The following ATP10B variants were observed in gnomAD, a reference collection of about 807,000 sequenced individuals.
The protein encoded by ATP10B is phospholipid-transporting ATPase VB.
ATP10B carries 122 observed loss-of-function variants against 141.2 expected under a neutral mutation model. The observed-to-expected ratio is 0.86, with a 90% CI of 0.75 to 1.00. The LOEUF is 1.00. Among genes scored for constraint, ATP10B ranks in the 50% least tolerant of loss-of-function variants. ATP10B has a pLI of 0.00. For synonymous variants in ATP10B, 685 were observed against 692.0 expected (o/e 0.99, Z 0.16); for missense variants, 1,876 against 1,825.3 (o/e 1.03, Z -0.51).
At chr5:160,693,779 C>T (rs577704346) in intron 3 of ATP10B, among the ~76,000 whole-genome samples, 1 of 152,336 alleles carries the variant, frequency 6.6e-6, no homozygotes. Flanking sequence ...CCCTCGCATG[C>T]ACAATTCACA....
chr5:160,683,043 A>ATC (rs1561748490), intron 6 of ATP10B, among the ~76,000 whole-genome samples: 2 of 91,320 alleles, frequency 2.2e-5, no homozygotes, highest in African/African-American at 4.0e-5. Flanking sequence ...TGTCCCCCAA[A>ATC]AAAAAAAAAA....
chr5:160,708,315 C>A (rs1055359794), intron 3 of ATP10B, among the ~76,000 whole-genome samples: 1 of 152,018 alleles, frequency 6.6e-6, no homozygotes, highest in African/African-American at 2.4e-5. Flanking sequence ...TACACTCAAC[C>A]CCCGCCCCCT....
intron 7 of ATP10B, among the ~76,000 whole-genome samples, chr5:160,651,919 T>C (rs1339070996): frequency 2.6e-5 from 4 of 152,084 alleles, no homozygotes; most frequent in African/African-American, 9.7e-5. Flanking sequence ...GATTAAGTCA[T>C]GTGCTTCACT....
chr5:160,691,446 T>C (rs1764072153), intron 3 of ATP10B, among the ~76,000 whole-genome samples: 1 of 152,156 alleles, frequency 6.6e-6, no homozygotes, highest in African/African-American at 2.4e-5. Flanking sequence ...CAAGGTTCTT[T>C]TTGGCCAAAT....
chr5:160,827,306 C>CA (rs1774688750), intron 1 of ATP10B, among the ~76,000 whole-genome samples: 1 of 152,218 alleles, frequency 6.6e-6, no homozygotes, highest in Non-Finnish European at 1.5e-5. Flanking sequence ...CTTTTCTCTT[C>CA]AACCTTGCCT....
the ATP10B span, among the ~76,000 whole-genome samples, chr5:160,886,772 A>G: frequency 0.018 from 2,770 of 152,320 alleles, 85 homozygotes; most frequent in African/African-American, 0.063. Flanking sequence ...GCAATGGTCC[A>G]TGCCATAATT....
rs575746646 is a variant in ATP10B at position 160,619,202 on chromosome 5, T to C, written c.2416+1145A>G. 5.3e-5 allele frequency among the ~76,000 whole-genome samples: 8 copies of C among 152,332 alleles called. No individual in the cohort carries two copies. In the South Asian group the frequency reaches 8.3e-4, roughly 16 times the overall value. ...TTGTAAGCCTTGGAGTTTACCTTCT[T>C]GCTAAGGCTGCCAGGAACCTCAGCA... On this transcript the variant is annotated intron_variant, in intron 15 of 25. Transcript: ENST00000327245.
At chr5:160,752,900 G>A (rs996804209) in intron 2 of ATP10B, among the ~76,000 whole-genome samples, 1 of 152,128 alleles carries the variant, frequency 6.6e-6, no homozygotes, top group Non-Finnish European at 1.5e-5. Context: ...GGTTTGGTTG[G>A]ATAGCCAAAC....
chr5:160,784,084 G>A (rs1007277429), intron 2 of ATP10B, among the ~76,000 whole-genome samples: 2 of 152,068 alleles, frequency 1.3e-5, no homozygotes, highest in Non-Finnish European at 2.9e-5. Flanking sequence ...AAGCCCAAGT[G>A]GTGTGGATCT....
chr5:160,678,584 G>A (rs1763183545), intron 6 of ATP10B, among the ~76,000 whole-genome samples: 1 of 152,196 alleles, frequency 6.6e-6, no homozygotes, highest in Non-Finnish European at 1.5e-5. Flanking sequence ...CCCAGCCCGG[G>A]AGGCAGAGGT....
upstream of ATP10B, among the ~76,000 whole-genome samples, chr5:160,857,054 G>C (rs6865604): frequency 0.72 from 108,637 of 151,560 alleles, 41,144 homozygotes; most frequent in East Asian, 0.97. Flanking sequence ...TTTGATATCA[G>C]GGTAATACCA....
chr5:160,776,393 G>A (rs1770316930), intron 2 of ATP10B, among the ~76,000 whole-genome samples: 1 of 152,230 alleles, frequency 6.6e-6, no homozygotes, highest in Non-Finnish European at 1.5e-5. Flanking sequence ...TATAAAATTA[G>A]TCAGCTGGTA....
intron 1 of ATP10B, among the ~76,000 whole-genome samples, chr5:160,800,586 C>G (rs1412563484): frequency 6.6e-6 from 1 of 152,174 alleles, no homozygotes; most frequent in Non-Finnish European, 1.5e-5. Context: ...AAAGTGCATG[C>G]TGAATAAATA....
chr5:160,663,990 C>G (rs957809400), intron 7 of ATP10B, among the ~76,000 whole-genome samples: 1 of 152,080 alleles, frequency 6.6e-6, no homozygotes, highest in Non-Finnish European at 1.5e-5. Context: ...CTTAGAAAAA[C>G]TGCCTATGGC....
chr5:160,848,383 G>A (rs1214744581), intron 1 of ATP10B, among the ~76,000 whole-genome samples: 1 of 152,090 alleles, frequency 6.6e-6, no homozygotes, highest in East Asian at 1.9e-4. Context: ...AGAAAATTGA[G>A]GCTTACAAAA....
At chr5:160,613,644 G>T (rs1757848970) in intron 17 of ATP10B, among the ~76,000 whole-genome samples, 2 of 152,200 alleles carry the variant, frequency 1.3e-5, no homozygotes, top group African/African-American at 2.4e-5. Context: ...AGGAATAGAA[G>T]TGGAAAGACT....
At chr5:160,620,264 C>A (rs1448327272) in intron 15 of ATP10B, 83 bp downstream of exon 15, 5 of 1,506,518 alleles carry the variant, frequency 3.3e-6, no homozygotes, top group African/African-American at 1.4e-5. Context: ...GACACTACAA[C>A]TTGAGCTTCT....
intron 1 of ATP10B, among the ~76,000 whole-genome samples, chr5:160,847,389 C>G (rs1329675188): frequency 6.6e-6 from 1 of 152,170 alleles, no homozygotes; most frequent in Admixed American, 6.6e-5. Flanking sequence ...AATAAATAAG[C>G]TGATAACAGC....
At chr5:160,833,074 A>G (rs1775200990) in intron 1 of ATP10B, among the ~76,000 whole-genome samples, 2 of 152,322 alleles carry the variant, frequency 1.3e-5, no homozygotes, top group South Asian at 4.1e-4. Flanking sequence ...TTTACTAAAT[A>G]TAAAGCATCA....
Sources: gnomAD v4.1 joint callset for allele counts (sites outside exome capture counted in the v4.1 genomes callset) on GRCh38, gnomAD v4.1.1 for gene constraint, MANE v1.5 for transcripts, NCBI Gene and HGNC (gene_info 2026-07-23, HGNC 2026-07-21) for gene names.